WDR76: variants seen among roughly 807,000 people sequenced by gnomAD.
WDR76 encodes the protein WD repeat domain 76.
WDR76 carries 52 observed loss-of-function variants against 70.2 expected under a neutral mutation model. The observed-to-expected ratio is 0.74, with a 90% CI of 0.59 to 0.93. WDR76 has a LOEUF of 0.93. Ranked by LOEUF, WDR76 falls within the 40% of genes least tolerant of loss-of-function variation. WDR76 has a pLI of 0.00. For synonymous variants in WDR76, 292 were observed against 271.1 expected, an observed-to-expected ratio of 1.08 and a Z score of -0.76; for missense variants, 756 against 760.2, an observed-to-expected ratio of 0.99 and a Z score of 0.07.
chr15:43,850,626 G>GT (rs1008309485), intron 8 of WDR76, among the ~76,000 whole-genome samples: 3 of 152,124 alleles, frequency 2.0e-5, no homozygotes, highest in African/African-American at 7.2e-5. Context: ...GACAAAGTAT[G>GT]TTTAAAACCA....
At chr15:43,857,451 GA>G (rs1010990967) in intron 10 of WDR76, 68 of 984,576 alleles carry the variant, frequency 6.9e-5, no homozygotes, top group Non-Finnish European at 8.0e-5. Flanking sequence ...AAATTTCACA[GA>G]AAAAAAAGTT....
intron 4 of WDR76, among the ~76,000 whole-genome samples, chr15:43,837,128 G>A (rs952099665): frequency 6.6e-6 from 1 of 151,942 alleles, no homozygotes; most frequent in Admixed American, 6.6e-5. Context: ...GAACTCAAGG[G>A]TGTTTAAATT....
rs1216571891 is a variant in WDR76 at position 43,836,146 on chromosome 15, T to G, written c.553-15T>G. 1.9e-6 allele frequency: 3 copies of G among 1,598,872 alleles called. No individual in the cohort carries two copies. The African/African-American group carries it at 4.0e-5, about 22-fold the overall frequency. ...CGTAGTTATAACATTTTTACATGAT[T>G]TTTATACTTTACAGTCTGCTGCAAG... On this transcript the variant is annotated splice_polypyrimidine_tract_variant and intron_variant, in intron 3 of 12. Coordinates refer to ENST00000263795, the MANE Select transcript of WDR76 (RefSeq NM_024908.4).
chr15:43,862,882 G>A (rs199799485), intron 12 of WDR76, among the ~76,000 whole-genome samples: 1 of 151,820 alleles, frequency 6.6e-6, no homozygotes, highest in African/African-American at 2.4e-5. Flanking sequence ...GACCTCAAGC[G>A]GCCACCCACC....
chr15:43,854,170 A>G (rs900670474), intron 9 of WDR76, among the ~76,000 whole-genome samples: 2 of 152,230 alleles, frequency 1.3e-5, no homozygotes, highest in African/African-American at 4.8e-5. Flanking sequence ...CAGAGTTACC[A>G]TATGACCTAG....
intron 11 of WDR76, among the ~76,000 whole-genome samples, chr15:43,859,250 T>A (rs2140312416): frequency 6.6e-6 from 1 of 152,296 alleles, no homozygotes; most frequent in African/African-American, 2.4e-5. Context: ...CTATACAAAC[T>A]ATTGGATATG....
At chr15:43,849,704 A>T (rs1478326573) in intron 8 of WDR76, among the ~76,000 whole-genome samples, 2 of 152,010 alleles carry the variant, frequency 1.3e-5, no homozygotes, top group Admixed American at 1.3e-4. Flanking sequence ...CGCCCGGCTA[A>T]TTTTTGTATT....
At chr15:43,857,372 G>T (rs1265369586) in intron 10 of WDR76, 20 of 814,546 alleles carry the variant, frequency 2.5e-5, no homozygotes, top group Non-Finnish European at 3.0e-5. Context: ...GATAAATAGT[G>T]AAAAAGCTGA....
rs370773260 is a variant in WDR76, at chr15:43,843,013, C to CTTTTTTTTTT, written c.878+354_878+363dup. 1.4e-3 allele frequency among the ~76,000 whole-genome samples: 170 copies of CTTTTTTTTTT among 119,906 alleles called. 2 individuals carry two copies. Among genetic ancestry groups the CTTTTTTTTTT allele is most frequent in the Non-Finnish European group, 1.6e-3 (94 of 59,114 alleles). 78.7% of individuals were successfully genotyped at this position (119,906 alleles called of 152,430 possible). A position where few individuals can be genotyped will look rare whatever the true frequency, so the allele number is the denominator to read the frequency against. ...TTTTGCATTACACTTTTTTCTTTTT[C>CTTTTTTTTTT]TTTTTTTTTTTTTTTTTTTTTGTTT... On this transcript the variant is annotated intron_variant, in intron 7 of 12. Coordinates refer to ENST00000263795, the MANE Select transcript of WDR76 (RefSeq NM_024908.4).
intron 8 of WDR76, among the ~76,000 whole-genome samples, chr15:43,845,245 A>G (rs2087774543): frequency 6.7e-6 from 1 of 149,974 alleles, no homozygotes; most frequent in South Asian, 2.1e-4. Flanking sequence ...CACGGCGCCC[A>G]GCCCGAAGTT....
At position 43,828,268 on chromosome 15, in the gene WDR76, A is replaced by C. The variant is rs1271173351; in HGVS notation, c.364A>C (p.Lys122Gln). The C allele has an allele frequency of 6.2e-7, 1 of 1,614,096 alleles. No individual in the cohort carries two copies. The highest frequency in any genetic ancestry group is 8.5e-7 in the Non-Finnish European group (1 of 1,180,046). The change falls in exon 2 of 13, where the codon AAG becomes CAG. Residue 122 changes from lysine to glutamine, a missense_variant. Transcript: ENST00000263795. ...SSSAVHTESNKLQPKRTADAM... is the reference protein window; with the variant it reads ...SSSAVHTESNQLQPKRTADAM... ...CTCAGCTGTTCATACTGAAAGTAAC[A>C]AGCTACAACCCAAGAGAACGGCAGA... is the stretch of plus-strand genomic sequence containing the variant.
chr15:43,863,606 A>G (rs190418786), intron 12 of WDR76, among the ~76,000 whole-genome samples: 16 of 150,488 alleles, frequency 1.1e-4, no homozygotes, highest in Admixed American at 8.6e-4. Context: ...CTTGCCCAGT[A>G]TGGAGTGTGG....
chr15:43,829,451 G>A (rs1337135012), intron 2 of WDR76, among the ~76,000 whole-genome samples: 1 of 151,314 alleles, frequency 6.6e-6, no homozygotes, highest in African/African-American at 2.4e-5. Context: ...ACAGCATGGG[G>A]TAAGTATTAA....
chr15:43,848,754 C>T (rs1242253193), intron 8 of WDR76, among the ~76,000 whole-genome samples: 2 of 152,060 alleles, frequency 1.3e-5, no homozygotes, highest in African/African-American at 2.4e-5. Flanking sequence ...GCCTGACTAA[C>T]ATGGTGAAAC....
At chr15:43,827,165 C>T (rs926336571) in intron 1 of WDR76, 73 bp downstream of exon 1, 29 of 1,601,426 alleles carry the variant, frequency 1.8e-5, no homozygotes, top group African/African-American at 6.7e-5. Flanking sequence ...GGACACAGGC[C>T]CAGGAGGTCG....
chr15:43,866,213 A>T lies in WDR76; in HGVS notation c.1702A>T (p.Met568Leu), dbSNP rs1438984474. The change falls in exon 13 of 13, where the codon ATG becomes TTG. Residue 568 changes from methionine to leucine, a missense_variant. Physicochemically the swap from Met to Leu is conservative, Grantham distance 15. Transcript: ENST00000263795. ...AGAAGACTGTGTCATAGTTGGCAGC[A>T]TGGCCCATCCACGACGGGTAGAAAT... ...KQEDCVIVGS[M>L]AHPRRVEIFH... 1 of 1,614,244 alleles carries T rather than the reference A, an allele frequency of 6.2e-7. No individual in the cohort carries two copies. Among genetic ancestry groups the T allele is most frequent in the Middle Eastern group, 1.7e-4 (1 of 6,060 alleles).
At chr15:43,857,935 T>G (rs2087949229) in intron 10 of WDR76, among the ~76,000 whole-genome samples, 1 of 148,724 alleles carries the variant, frequency 6.7e-6, no homozygotes, top group Admixed American at 6.7e-5. Flanking sequence ...TTTGGGGAAA[T>G]TAATAAGAGT....
rs1040572258 is a variant in WDR76 at position 43,868,202 on chromosome 15, C to G, written c.*1810C>G. Reference sequence around the variant, plus strand: ...GAGGTTGAGTTATAATTAAACTGTTCAGGAAACATCGTAAAGGCTTTAGGC... The same window carrying G: ...GAGGTTGAGTTATAATTAAACTGTTGAGGAAACATCGTAAAGGCTTTAGGC... On this transcript the variant is annotated 3_prime_UTR_variant, in exon 13 of 13. Coordinates refer to ENST00000263795, the MANE Select transcript of WDR76 (RefSeq NM_024908.4). 2 of 152,146 alleles carry G rather than the reference C, an allele frequency of 1.3e-5. No individual in the cohort carries two copies. The highest frequency in any genetic ancestry group is 2.9e-5 in the Non-Finnish European group (2 of 68,024). The allele number at this position is 152,146 out of a possible 1,614,324, so 9.4% of individuals were successfully genotyped here. A position where few individuals can be genotyped will look rare whatever the true frequency, so the allele number is the denominator to read the frequency against.
rs545622226 is a variant in WDR76 at position 43,867,979 on chromosome 15, A to G, written c.*1587A>G. On this transcript the variant is annotated 3_prime_UTR_variant, in exon 13 of 13. Coordinates refer to ENST00000263795, the MANE Select transcript of WDR76 (RefSeq NM_024908.4). ...TTTTCCCATAATTGTATATCAGAGA[A>G]ATATAGTGATATACAATTTCCTTGA... is the stretch of plus-strand genomic sequence containing the variant. The G allele has an allele frequency of 6.6e-6, 1 of 152,332 alleles. No individual in the cohort carries two copies. The highest frequency in any genetic ancestry group is 1.5e-5 in the Non-Finnish European group (1 of 68,022). 9.4% of individuals were successfully genotyped at this position (152,332 alleles called of 1,614,324 possible).
Sources: gnomAD v4.1 joint callset for allele counts (sites outside exome capture counted in the v4.1 genomes callset) on GRCh38, gnomAD v4.1.1 for gene constraint, MANE v1.5 for transcripts, NCBI Gene and HGNC (gene_info 2026-07-23, HGNC 2026-07-21) for gene names.